Variants in PIK3R3 observed in about 807,000 individuals in gnomAD.
PIK3R3 encodes phosphoinositide-3-kinase regulatory subunit 3.
In PIK3R3, 64 loss-of-function variants were observed where a neutral mutation model predicts 62.9. The observed-to-expected ratio is 1.02, with a 90% CI of 0.83 to 1.25. The LOEUF (loss-of-function observed/expected upper bound fraction) is 1.25. Among genes scored for constraint, PIK3R3 ranks in the 50% most tolerant of loss-of-function variants. The probability of loss-of-function intolerance (pLI) is 0.00; values close to 1 mark genes in which losing one functional copy is unlikely to be tolerated. For missense variants in PIK3R3, 614 were observed against 561.6 expected (o/e 1.09, Z -0.94); for synonymous variants, 165 against 189.0 (o/e 0.87, Z 1.04).
intron 3 of PIK3R3, among the ~76,000 whole-genome samples, chr1:46,072,982 GC>G (rs1649688810): frequency 6.6e-6 from 1 of 150,384 alleles, no homozygotes; most frequent in Non-Finnish European, 1.5e-5. Flanking sequence ...TATATATTAG[GC>G]ATCCATTCTC....
At chr1:46,165,760 T>TC in the PIK3R3 span, among the ~76,000 whole-genome samples, 1 of 39,708 alleles carries the variant, frequency 2.5e-5, no homozygotes, top group Non-Finnish European at 5.4e-5. Flanking sequence ...CCTTTTTTTT[T>TC]TTTTTTTTTT....
At chr1:46,091,196 A>G (rs2149428350) in intron 1 of PIK3R3, among the ~76,000 whole-genome samples, 1 of 147,544 alleles carries the variant, frequency 6.8e-6, no homozygotes, top group South Asian at 2.2e-4. Flanking sequence ...ACTGGAGTGC[A>G]ATGGTGCAAT....
chr1:46,069,831 T>C (rs1185936380), intron 3 of PIK3R3, among the ~76,000 whole-genome samples: 1 of 152,018 alleles, frequency 6.6e-6, no homozygotes, highest in East Asian at 1.9e-4. Context: ...ATTAATGAAG[T>C]GAGAGGAGAA....
At chr1:46,133,101 G>A, upstream of PIK3R3, 1 of 934,948 alleles carries the variant, frequency 1.1e-6, no homozygotes, top group Non-Finnish European at 1.3e-6. Flanking sequence ...AGACGGCTGC[G>A]CGCCCCAAGC....
chr1:46,075,815 G>A lies in PIK3R3; in HGVS notation c.314+1700C>T, dbSNP rs72895101. ...AGGCCATCTGCAAGCTGGCATGCCA[G>A]TAGTGTGGCTCAGTCCAATTCCTAA... On this transcript the variant is annotated intron_variant, in intron 3 of 9. Transcript: ENST00000262741. Among the ~76,000 whole-genome samples, 774 of 152,256 alleles carry A rather than the reference G, an allele frequency of 5.1e-3. 7 individuals carry two copies. The highest frequency in any genetic ancestry group is 0.018 in the African/African-American group (729 of 41,550).
chr1:46,093,337 T>C (rs1245045452), intron 1 of PIK3R3, among the ~76,000 whole-genome samples: 1 of 152,160 alleles, frequency 6.6e-6, no homozygotes, highest in East Asian at 1.9e-4. Context: ...TAAGCTATAT[T>C]TAGTTACTCA....
rs1646986008 is a variant in PIK3R3, at chr1:46,040,997, A to ATGTC, written c.*2672_*2675dup. On this transcript the variant is annotated 3_prime_UTR_variant, in exon 10 of 10. Coordinates refer to ENST00000262741, the MANE Select transcript of PIK3R3 (RefSeq NM_003629.4). ...GTCCAGCCAGCCCCAAGCTGCTTGCATGTCAGTAGCTGGGTTCTCTAGCCA... is the reference window on the plus strand; with the variant it reads ...GTCCAGCCAGCCCCAAGCTGCTTGCATGTCTGTCAGTAGCTGGGTTCTCTAGCCA... The ATGTC allele has an allele frequency of 5.9e-6, 1 of 168,406 alleles. No homozygotes were observed. 10.4% of individuals were successfully genotyped at this position (168,406 alleles called of 1,614,324 possible). A position where few individuals can be genotyped will look rare whatever the true frequency, so the allele number is the denominator to read the frequency against.
chr1:46,090,834 T>C (rs1330894932), intron 1 of PIK3R3, among the ~76,000 whole-genome samples: 1 of 152,214 alleles, frequency 6.6e-6, no homozygotes, highest in African/African-American at 2.4e-5. Flanking sequence ...GGTATGTCAG[T>C]CACACTAGTA....
intron 1 of PIK3R3, among the ~76,000 whole-genome samples, chr1:46,083,898 G>T (rs1342361070): frequency 6.6e-6 from 1 of 152,114 alleles, no homozygotes; most frequent in African/African-American, 2.4e-5. Flanking sequence ...ATGCAGAGTT[G>T]CCCAGCAATT....
Position 46,042,533 on chromosome 1 carries a change from G to A in PIK3R3, c.*1140C>T. 4.6e-6 allele frequency: 1 copy of A among 216,642 alleles called. No homozygotes were observed. The highest frequency in any genetic ancestry group is 6.8e-5 in the East Asian group (1 of 14,622). 13.4% of individuals were successfully genotyped at this position (216,642 alleles called of 1,614,324 possible). A position where few individuals can be genotyped will look rare whatever the true frequency, so the allele number is the denominator to read the frequency against. On this transcript the variant is annotated 3_prime_UTR_variant, in exon 10 of 10. Transcript: ENST00000262741. The surrounding 1 kb of genome is among the most constrained non-coding windows in gnomAD (Gnocchi z 4.3). ...GACCACAATCTGACTCCCCTCCTTA[G>A]CAACCTATAGCTCCCAAAACCCCAT... is the stretch of plus-strand genomic sequence containing the variant.
At chr1:46,058,118 A>T (rs1221901137) in intron 6 of PIK3R3, among the ~76,000 whole-genome samples, 1 of 152,228 alleles carries the variant, frequency 6.6e-6, no homozygotes, top group Non-Finnish European at 1.5e-5. Flanking sequence ...GGGCCAACAT[A>T]GGGCTCAGGC....
At chr1:46,054,324 G>A (rs1202269117) in intron 7 of PIK3R3, among the ~76,000 whole-genome samples, 1 of 150,814 alleles carries the variant, frequency 6.6e-6, no homozygotes, top group African/African-American at 2.4e-5. Context: ...AACCCAGGAG[G>A]TGGAGGTTGC....
chr1:46,161,262 AT>A, the PIK3R3 span, among the ~76,000 whole-genome samples: 204 of 139,712 alleles, frequency 1.5e-3, 1 homozygote, highest in East Asian at 4.2e-3. Context: ...TACCTAGCTA[AT>A]TTTTTTTTTT....
intron 1 of PIK3R3, among the ~76,000 whole-genome samples, chr1:46,102,771 C>T (rs1652817992): frequency 7.4e-6 from 1 of 134,494 alleles, no homozygotes; most frequent in African/African-American, 2.8e-5. Context: ...ACCATATGAT[C>T]CAGCAATCCT....
chr1:46,102,147 G>A (rs941035680), intron 1 of PIK3R3, among the ~76,000 whole-genome samples: 9 of 151,666 alleles, frequency 5.9e-5, no homozygotes, highest in African/African-American at 9.7e-5. Context: ...CACCTCGCCC[G>A]GCTAATTTTT....
intron 3 of PIK3R3, among the ~76,000 whole-genome samples, chr1:46,076,352 C>G (rs1038768126): frequency 6.6e-6 from 1 of 152,104 alleles, no homozygotes; most frequent in Admixed American, 6.5e-5. Flanking sequence ...GAAAGTGTGA[C>G]GTCTTAACAG....
At chr1:46,116,049 G>A (rs1042212605) in intron 1 of PIK3R3, among the ~76,000 whole-genome samples, 21 of 152,188 alleles carry the variant, frequency 1.4e-4, no homozygotes, top group African/African-American at 5.1e-4. Context: ...GAAGAAATAG[G>A]ATTTTAAGTA....
In PIK3R3 at chr1:46,080,686, A is replaced by G. The variant is rs1336906536; in HGVS notation, c.171T>C (p.Ser57=). 6.2e-7 allele frequency: 1 copy of G among 1,613,734 alleles called. No individual in the cohort carries two copies. Among genetic ancestry groups the G allele is most frequent in the Admixed American group, 1.7e-5 (1 of 60,012 alleles). The change falls in exon 2 of 10, where the codon TCT becomes TCC. Residue 57 remains serine (S), a synonymous_variant. Transcript: ENST00000262741. ...ACCATTCTGCATCCTGAAGAGAAAC[A>G]GAACTGTCCTTCATTCCATTTGGAA... ...SAVPNGMKDS[S]VSLQDAEWYW...
At chr1:46,119,808 C>T (rs1007499676) in intron 1 of PIK3R3, among the ~76,000 whole-genome samples, 5 of 143,236 alleles carry the variant, frequency 3.5e-5, no homozygotes, top group Non-Finnish European at 6.0e-5. Flanking sequence ...GACAGGGTCT[C>T]GCTCTGTCAC....
Sources: gnomAD v4.1 joint callset for allele counts (sites outside exome capture counted in the v4.1 genomes callset) on GRCh38, gnomAD v4.1.1 for gene constraint, Gnocchi (gnomAD v3.1) non-coding constraint, MANE v1.5 for transcripts, NCBI Gene and HGNC (gene_info 2026-07-23, HGNC 2026-07-21) for gene names.